URB1: variants seen among roughly 807,000 people sequenced by gnomAD.
The protein encoded by URB1 is nucleolar pre-ribosomal-associated protein 1.
In URB1, 197 loss-of-function variants were observed where a neutral mutation model predicts 242.3. That is an observed-to-expected ratio of 0.81 (90% CI 0.72 to 0.91). URB1 has a LOEUF of 0.91. URB1 is among the 40% of genes least tolerant of loss of function. The probability of loss-of-function intolerance (pLI) is 0.00; values close to 1 mark genes in which losing one functional copy is unlikely to be tolerated. For synonymous variants in URB1, 1,153 were observed against 1,201.8 expected (o/e 0.96, Z 0.84); for missense variants, 2,721 against 2,860.5 (o/e 0.95, Z 1.11).
At position 32,378,571 on chromosome 21, in the gene URB1, A is replaced by G. The variant is rs112376959; in HGVS notation, c.568-30T>C. On this transcript the variant is annotated intron_variant, in intron 4 of 38. Transcript: ENST00000382751. Reference sequence around the variant, plus strand: ...AGGACAAAGGAGACCTACATGTCACATGCATATTCCACATACAGCCAAAGG... The same window carrying G: ...AGGACAAAGGAGACCTACATGTCACGTGCATATTCCACATACAGCCAAAGG... The G allele has an allele frequency of 5.6e-4, 851 of 1,527,538 alleles. 4 individuals are homozygous for G. The highest frequency in any genetic ancestry group is 4.6e-3 in the African/African-American group (336 of 72,604). The allele number at this position is 1,527,538 out of a possible 1,614,324, so 94.6% of individuals were successfully genotyped here.
At chr21:32,385,174 A>G (rs1010437535) in intron 2 of URB1, among the ~76,000 whole-genome samples, 35 of 152,274 alleles carry the variant, frequency 2.3e-4, no homozygotes, top group African/African-American at 7.9e-4. Context: ...CAATATCCCA[A>G]TGTTCAATCT....
intron 28 of URB1, among the ~76,000 whole-genome samples, chr21:32,334,766 C>T (rs1271386346): frequency 6.6e-6 from 1 of 152,168 alleles, no homozygotes; most frequent in Non-Finnish European, 1.5e-5. Flanking sequence ...GGAAGTCTGG[C>T]TCCTGAGTCC....
intron 8 of URB1, among the ~76,000 whole-genome samples, chr21:32,370,191 C>T (rs906881648): frequency 1.3e-5 from 2 of 151,972 alleles, no homozygotes; most frequent in Admixed American, 6.6e-5. Flanking sequence ...CTCATGTGCA[C>T]GACACAGTGA....
Position 32,354,034 on chromosome 21 carries a change from A to C in URB1, c.2315T>G (p.Leu772Trp), listed in dbSNP as rs568902370. 2 of 1,551,728 alleles carry C rather than the reference A, an allele frequency of 1.3e-6. No individual in the cohort carries two copies. The highest frequency in any genetic ancestry group is 2.7e-5 in the African/African-American group (2 of 73,166). Residue 772 changes from leucine (L) to tryptophan (W), a missense_variant, in exon 18 of 39, where the codon TTG becomes TGG. Physicochemically the swap from Leu to Trp is moderately conservative, Grantham distance 61. Transcript: ENST00000382751. ...EGLDEEIGFT[L>W]SEDMILLTFP... The stretch of plus-strand genomic sequence containing the variant: ...CGTGAGCAGGATCATGTCTTCACTC[A>C]ACGTGAACCCTATTTCCTCATCCAA...
chr21:32,318,418 A>G (rs954431634), intron 36 of URB1, among the ~76,000 whole-genome samples: 4 of 152,266 alleles, frequency 2.6e-5, no homozygotes, highest in Non-Finnish European at 4.4e-5. Flanking sequence ...AATTGTAAAC[A>G]TAAAACCAGT....
At chr21:32,380,553 A>C (rs1389400234) in intron 4 of URB1, among the ~76,000 whole-genome samples, 1 of 152,192 alleles carries the variant, frequency 6.6e-6, no homozygotes, top group East Asian at 1.9e-4. Context: ...CATTCCATTC[A>C]AGATGCCATC....
chr21:32,358,780 G>A (rs2033252480), intron 14 of URB1, among the ~76,000 whole-genome samples: 1 of 152,162 alleles, frequency 6.6e-6, no homozygotes. Flanking sequence ...AGGACTGGTG[G>A]CAATGAACTC....
At chr21:32,338,595 A>T in intron 26 of URB1, 112 bp downstream of exon 26, 5 of 1,216,330 alleles carry the variant, frequency 4.1e-6, no homozygotes, top group Non-Finnish European at 5.9e-6. Context: ...TGTCTTGGCA[A>T]TGCTTCCTTA....
chr21:32,352,334 C>T (rs114365385), intron 19 of URB1, among the ~76,000 whole-genome samples: 1,704 of 152,244 alleles, frequency 0.011, 37 homozygotes, highest in African/African-American at 0.039. Flanking sequence ...GACAGCTGAG[C>T]ACAGTTTGTC....
chr21:32,338,829 C>T lies in URB1; in HGVS notation c.4388G>A (p.Ser1463Asn). Reference sequence around the variant, plus strand: ...CTGGATGAGCTTCGTGCGCACGGAGCTTTCTGGGCTGTACAGGAGCTGTAC... The same window carrying T: ...CTGGATGAGCTTCGTGCGCACGGAGTTTTCTGGGCTGTACAGGAGCTGTAC... ...TAVQLLYSPESSVRTKLIQLP... is the reference protein window; with the variant it reads ...TAVQLLYSPENSVRTKLIQLP... Residue 1463 changes from serine (S) to asparagine (N), a missense_variant, in exon 26 of 39, where the codon AGC becomes AAC. Physicochemically the swap from Ser to Asn is conservative, Grantham distance 46. Transcript: ENST00000382751. The T allele has an allele frequency of 1.3e-6, 2 of 1,551,588 alleles. No individual in the cohort carries two copies. The highest frequency in any genetic ancestry group is 8.7e-7 in the Non-Finnish European group (1 of 1,146,988).
chr21:32,367,692 T>C (rs1323959859), intron 9 of URB1, among the ~76,000 whole-genome samples: 2 of 152,250 alleles, frequency 1.3e-5, no homozygotes, highest in African/African-American at 4.8e-5. Flanking sequence ...CCACAGCTTA[T>C]TTCAAGTTGT....
At chr21:32,363,959 T>TA (rs1049804870) in intron 10 of URB1, among the ~76,000 whole-genome samples, 24 of 152,080 alleles carry the variant, frequency 1.6e-4, no homozygotes, top group African/African-American at 5.3e-4. Flanking sequence ...CCTAGCCTTT[T>TA]TTTTTTTCCT....
At chr21:32,341,693 T>A (rs543833488) in intron 24 of URB1, among the ~76,000 whole-genome samples, 169 bp from the exon 25 acceptor site, 1 of 152,232 alleles carries the variant, frequency 6.6e-6, no homozygotes, top group Non-Finnish European at 1.5e-5. Context: ...TGTCCCCTTC[T>A]GCTCTGACAC....
Position 32,345,379 on chromosome 21 carries a change from G to C in URB1, c.4065C>G (p.His1355Gln). Residue 1355 changes from histidine (H) to glutamine (Q), a missense_variant, in exon 23 of 39, where the codon CAC becomes CAG. Physicochemically the swap from His to Gln is conservative, Grantham distance 24. Transcript: ENST00000382751. ...ACCAACCTGAGCCTTCATACCTCTTGTGACTGCTTGGGGTGTGAAGCAAGC... is the reference window on the plus strand; with the variant it reads ...ACCAACCTGAGCCTTCATACCTCTTCTGACTGCTTGGGGTGTGAAGCAAGC... The part of the protein sequence containing the change: ...LPSLLHTPSS[H>Q]KRWIVADSIS... 1 of 1,551,304 alleles carries C rather than the reference G, an allele frequency of 6.4e-7. No individual in the cohort carries two copies.
At chr21:32,373,847 G>A (rs1437500156) in intron 6 of URB1, 75 bp from the exon 7 acceptor site, 22 of 1,282,382 alleles carry the variant, frequency 1.7e-5, no homozygotes, top group Non-Finnish European at 2.1e-5. Context: ...TTTTTTAAAT[G>A]GTGCTTACTG....
rs763315177 is a variant in URB1 at position 32,347,735 on chromosome 21, G to C, written c.3089C>G (p.Ala1030Gly). 6.5e-7 allele frequency: 1 copy of C among 1,550,088 alleles called. No homozygotes were observed. The highest frequency in any genetic ancestry group is 1.2e-5 in the South Asian group (1 of 84,058). The stretch of plus-strand genomic sequence containing the variant: ...AGGGCTGAGCGTGTGCGGCGGGAGG[G>C]CCTGCTGCTCCAGGGCCAGGAACCA... ...EGWFLALEQQ[A>G]LPPHTLSPVL... is the part of the protein sequence containing the mutation. Residue 1030 changes from alanine (A) to glycine (G), a missense_variant, in exon 22 of 39, where the codon GCC (alanine) becomes GGC (glycine). Transcript: ENST00000382751.
At chr21:32,358,626 G>C (rs1358169406) in intron 14 of URB1, among the ~76,000 whole-genome samples, 1 of 152,142 alleles carries the variant, frequency 6.6e-6, no homozygotes, top group Non-Finnish European at 1.5e-5. Context: ...ATAAGCATAA[G>C]GTGGGGCGCA....
At position 32,347,303 on chromosome 21, in the gene URB1, A is replaced by T. The variant is rs2123578900; in HGVS notation, c.3521T>A (p.Leu1174His). The change falls in exon 22 of 39, where the codon CTC (leucine) becomes CAC (histidine). Residue 1174 changes from leucine to histidine, a missense_variant. By Grantham distance (99) the Leu-to-His change is moderately conservative. Coordinates refer to ENST00000382751, the MANE Select transcript of URB1 (RefSeq NM_014825.3). ...TCTCACATACTCGGAGGACCACAGG[A>T]GCTCACCACTCTGCAGCTGATCCTG... ...SPQDQLQSGE[L>H]LWSSEYVRGL... 1 of 1,551,182 alleles carries T rather than the reference A, an allele frequency of 6.4e-7. No individual in the cohort carries two copies. The highest frequency in any genetic ancestry group is 2.4e-5 in the East Asian group (1 of 40,920).
chr21:32,359,897 C>G lies in URB1; in HGVS notation c.1768G>C (p.Glu590Gln). ...FSKLLKGVIS[E>Q]QGLREEVPPI... ...GGCACCTCCTCTCGAAGGCCCTGCT[C>G]AGAGATGACACCTATGGGTGAAAAA... Residue 590 changes from glutamate to glutamine, a missense_variant, in exon 14 of 39, where the codon GAG becomes CAG. Glu to Gln is a conservative substitution (Grantham distance 29). Coordinates refer to ENST00000382751, the MANE Select transcript of URB1 (RefSeq NM_014825.3). The G allele has an allele frequency of 2.6e-6, 4 of 1,548,798 alleles. No individual in the cohort carries two copies. Among genetic ancestry groups the G allele is most frequent in the Non-Finnish European group, 3.5e-6 (4 of 1,145,856 alleles).
Sources: gnomAD v4.1 joint callset for allele counts (sites outside exome capture counted in the v4.1 genomes callset) on GRCh38, gnomAD v4.1.1 for gene constraint, MANE v1.5 for transcripts, NCBI Gene and HGNC (gene_info 2026-07-23, HGNC 2026-07-21) for gene names.